PLXNA4: variants seen among roughly 807,000 people sequenced by gnomAD.
PLXNA4 encodes plexin-A4.
Under a neutral mutation model 191.8 loss-of-function variants are expected in PLXNA4, and 44 were observed. The ratio of observed to expected loss-of-function variants is 0.23; its 90% confidence interval spans 0.18 to 0.29. The LOEUF (loss-of-function observed/expected upper bound fraction) is 0.29, where lower values mean the gene tolerates loss of function less well. Among genes scored for constraint, PLXNA4 ranks in the 10% least tolerant of loss-of-function variants. PLXNA4 has a pLI of 1.00. For synonymous variants in PLXNA4, 1,082 were observed against 1,009.5 expected (o/e 1.07, Z -1.36); for missense variants, 1,800 against 2,488.8 (o/e 0.72, Z 5.89).
At chr7:132,422,823 G>T (rs1794895358) in intron 3 of PLXNA4, among the ~76,000 whole-genome samples, 1 of 152,150 alleles carries the variant, frequency 6.6e-6, no homozygotes, top group Non-Finnish European at 1.5e-5. Flanking sequence ...TTACCCCACT[G>T]GGCAGAGGAT....
chr7:132,509,444 C>T (rs920114322), intron 1 of PLXNA4, among the ~76,000 whole-genome samples: 23 of 152,194 alleles, frequency 1.5e-4, no homozygotes, highest in African/African-American at 4.6e-4. Context: ...TATGTGCTGT[C>T]TATTACCTGC....
At chr7:132,610,311 G>T (rs1803020966) in intron 2 of PLXNA4, among the ~76,000 whole-genome samples, 1 of 152,194 alleles carries the variant, frequency 6.6e-6, no homozygotes, top group Admixed American at 6.5e-5. Flanking sequence ...CTCCACCAGA[G>T]CACTGGCAGT....
intron 4 of PLXNA4, among the ~76,000 whole-genome samples, chr7:132,267,742 G>T (rs935909615): frequency 6.6e-6 from 1 of 152,142 alleles, no homozygotes; most frequent in African/African-American, 2.4e-5. Context: ...ATACTATGTA[G>T]AACAAATAAC....
chr7:132,495,521 T>G (rs1293542225), intron 2 of PLXNA4, among the ~76,000 whole-genome samples: 1 of 152,180 alleles, frequency 6.6e-6, no homozygotes, highest in East Asian at 1.9e-4. Context: ...CCTGCTGCTC[T>G]GGGGCAGCAG....
At chr7:132,451,275 T>C (rs2117302219) in intron 3 of PLXNA4, among the ~76,000 whole-genome samples, 1 of 152,256 alleles carries the variant, frequency 6.6e-6, no homozygotes, top group South Asian at 2.1e-4. Context: ...TTCCAGTCCT[T>C]CTGGCTGATG....
chr7:132,319,180 AAGCACATGC>A (rs1802067785), intron 3 of PLXNA4, among the ~76,000 whole-genome samples: 1 of 152,158 alleles, frequency 6.6e-6, no homozygotes, highest in Non-Finnish European at 1.5e-5. Context: ...AACGTTTCCT[AAGCACATGC>A]AGCATGGTTT....
At chr7:132,428,348 C>T (rs193064512) in intron 3 of PLXNA4, among the ~76,000 whole-genome samples, 138 of 152,328 alleles carry the variant, frequency 9.1e-4, no homozygotes, top group Non-Finnish European at 1.9e-3. Flanking sequence ...CTCTCCCTAG[C>T]TTTCTGGGGG....
chr7:132,223,985 C>A (rs984301794), intron 8 of PLXNA4, among the ~76,000 whole-genome samples: 1 of 152,112 alleles, frequency 6.6e-6, no homozygotes, highest in Non-Finnish European at 1.5e-5. Context: ...AGAGTTGGGG[C>A]AAACAAAAGA....
intron 1 of PLXNA4, among the ~76,000 whole-genome samples, chr7:132,561,369 G>GTCCTCCTCCTCT (rs1801041849): frequency 2.3e-5 from 1 of 43,280 alleles, no homozygotes; most frequent in African/African-American, 8.4e-5. Context: ...CCTCCTTCTT[G>GTCCTCCTCCTCT]TCCTCCTCCT....
intron 13 of PLXNA4, among the ~76,000 whole-genome samples, chr7:132,194,462 G>T (rs918349534): frequency 2.0e-5 from 3 of 152,174 alleles, no homozygotes; most frequent in African/African-American, 7.2e-5. Context: ...TATCTACTCA[G>T]TTGTCAACTA....
At chr7:132,146,866 G>A (rs1232011236) in intron 27 of PLXNA4, among the ~76,000 whole-genome samples, 166 bp from the exon 28 acceptor site, 1 of 152,180 alleles carries the variant, frequency 6.6e-6, no homozygotes, top group African/African-American at 2.4e-5. Context: ...CTGAAACTGG[G>A]ATGCCTTTCT....
intron 3 of PLXNA4, among the ~76,000 whole-genome samples, chr7:132,308,781 G>T (rs529441078): frequency 2.2e-4 from 33 of 152,274 alleles, no homozygotes; most frequent in African/African-American, 7.9e-4. Flanking sequence ...GAGTGAGGGG[G>T]TTTTGATAAA....
chr7:132,258,038 G>T (rs1562995608), intron 4 of PLXNA4, among the ~76,000 whole-genome samples: 2 of 152,244 alleles, frequency 1.3e-5, no homozygotes, highest in Admixed American at 6.5e-5. Context: ...AGGCAGAAAA[G>T]TTGGACAGAA....
chr7:132,212,488 A>G (rs1035637295), intron 9 of PLXNA4, among the ~76,000 whole-genome samples: 4 of 143,234 alleles, frequency 2.8e-5, no homozygotes, highest in Non-Finnish European at 6.2e-5. Context: ...TGAGCTGCTG[A>G]TGAGCTCTGG....
chr7:132,199,736 G>T (rs1797371077), intron 12 of PLXNA4, among the ~76,000 whole-genome samples: 1 of 152,212 alleles, frequency 6.6e-6, no homozygotes, highest in Non-Finnish European at 1.5e-5. Context: ...TGAAAGATGG[G>T]GGAAGCAGAA....
chr7:132,329,040 C>T (rs1802485675), intron 3 of PLXNA4, among the ~76,000 whole-genome samples: 1 of 152,180 alleles, frequency 6.6e-6, no homozygotes, highest in African/African-American at 2.4e-5. Flanking sequence ...TCCAGATTCT[C>T]GGACTCCCTC....
rs533530800 is a variant in PLXNA4, at chr7:132,325,569, G to A, written c.1372-27347C>T. Among the ~76,000 whole-genome samples, 10 of 152,004 alleles carry A rather than the reference G, an allele frequency of 6.6e-5. No individual in the cohort carries two copies. The South Asian group carries it at 1.9e-3, about 28-fold the overall frequency. ...GGTGTCCTTAAAAGAAGAGGAAAAT[G>A]CCATGTGGCCGATGGAGGCAGACAC... On this transcript the variant is annotated intron_variant, in intron 3 of 31. Transcript: ENST00000321063.
chr7:132,342,300 T>C (rs1803060385), intron 3 of PLXNA4, among the ~76,000 whole-genome samples: 1 of 150,986 alleles, frequency 6.6e-6, no homozygotes, highest in Admixed American at 6.6e-5. Context: ...ACAATGCTGA[T>C]AATAACAAGA....
At chr7:132,191,412 C>G (rs1797082616) in intron 14 of PLXNA4, among the ~76,000 whole-genome samples, 1 of 152,140 alleles carries the variant, frequency 6.6e-6, no homozygotes, top group African/African-American at 2.4e-5. Flanking sequence ...TGGGAGCTGA[C>G]AGCCTGGGTG....
Sources: gnomAD v4.1 joint callset for allele counts (sites outside exome capture counted in the v4.1 genomes callset) on GRCh38, gnomAD v4.1.1 for gene constraint, MANE v1.5 for transcripts, NCBI Gene and HGNC (gene_info 2026-07-23, HGNC 2026-07-21) for gene names.